HIVEP1: variants seen among roughly 807,000 people sequenced by gnomAD.
The protein encoded by HIVEP1 is zinc finger protein 40.
A neutral mutation model predicts 180.0 loss-of-function variants in HIVEP1; 36 were observed. The ratio of observed to expected loss-of-function variants is 0.20; its 90% CI spans 0.15 to 0.26. HIVEP1 has a LOEUF of 0.26. HIVEP1 is among the 10% of genes least tolerant of loss of function. The probability of loss-of-function intolerance (pLI) is 1.00; values close to 1 mark genes in which losing one functional copy is unlikely to be tolerated. For missense variants in HIVEP1, 3,143 were observed against 3,268.7 expected (o/e 0.96, Z 0.94); for synonymous variants, 1,239 against 1,239.0 (o/e 1.00, Z 0.00).
chr6:12,167,695 ACATATATACATATATG>A (rs1760759529), downstream of HIVEP1, among the ~76,000 whole-genome samples: 1 of 73,726 alleles, frequency 1.4e-5, no homozygotes, highest in African/African-American at 3.9e-5. Context: ...TAATATATAT[ACATATATACATATATG>A]CATAATATAT....
chr6:12,210,074 G>C, the HIVEP1 span, among the ~76,000 whole-genome samples: 1 of 151,884 alleles, frequency 6.6e-6, no homozygotes, highest in Non-Finnish European at 1.5e-5. Flanking sequence ...CTGCACTCCA[G>C]TCTGGGCAAC....
chr6:12,019,802 C>G (rs754355265), intron 2 of HIVEP1, among the ~76,000 whole-genome samples: 1 of 152,150 alleles, frequency 6.6e-6, no homozygotes, highest in Non-Finnish European at 1.5e-5. Context: ...TATATCCCTA[C>G]GGATGTGCAA....
intron 2 of HIVEP1, among the ~76,000 whole-genome samples, chr6:12,024,670 G>C (rs1768461465): frequency 6.6e-6 from 1 of 152,204 alleles, no homozygotes; most frequent in African/African-American, 2.4e-5. Context: ...GCTTAATATA[G>C]TATCCAGATG....
chr6:12,101,748 T>G (rs966867139), intron 3 of HIVEP1, among the ~76,000 whole-genome samples: 1 of 152,036 alleles, frequency 6.6e-6, no homozygotes, highest in African/African-American at 2.4e-5. Flanking sequence ...CAAATTCAGC[T>G]GTGTCAATAA....
upstream of HIVEP1, among the ~76,000 whole-genome samples, chr6:12,010,926 C>T (rs1767241495): frequency 6.6e-6 from 1 of 152,164 alleles, no homozygotes; most frequent in South Asian, 2.1e-4. Flanking sequence ...ACGACCAGCC[C>T]CGCACCCCCC....
chr6:12,074,643 TGC>T (rs1554139007), intron 2 of HIVEP1, among the ~76,000 whole-genome samples: 3 of 148,030 alleles, frequency 2.0e-5, no homozygotes, highest in Non-Finnish European at 3.0e-5. Flanking sequence ...TGTGTGTGTG[TGC>T]GCGCGCGTGC....
chr6:12,164,495 T>C lies in HIVEP1; in HGVS notation c.*34T>C, dbSNP rs1760631745. 6 of 1,499,674 alleles carry C rather than the reference T, an allele frequency of 4.0e-6. No individual in the cohort carries two copies. The South Asian group carries it at 5.1e-5, about 13-fold the overall frequency. 92.9% of individuals were successfully genotyped at this position (1,499,674 alleles called of 1,614,324 possible). A position where few individuals can be genotyped will look rare whatever the true frequency, so the allele number is the denominator to read the frequency against. ...ATTTTTTATTTGCTTTTTTTTTATATAACACTTAAAGGTTTCTTTGAAAAC... is the reference window on the plus strand; with the variant it reads ...ATTTTTTATTTGCTTTTTTTTTATACAACACTTAAAGGTTTCTTTGAAAAC... On this transcript the variant is annotated 3_prime_UTR_variant, in exon 9 of 9. Coordinates refer to ENST00000379388, the MANE Select transcript of HIVEP1 (RefSeq NM_002114.4).
intron 6 of HIVEP1, among the ~76,000 whole-genome samples, chr6:12,134,523 T>C (rs1256663160): frequency 1.3e-5 from 2 of 152,240 alleles, no homozygotes; most frequent in Admixed American, 6.5e-5. Context: ...CTTCGGCTAC[T>C]GCAAGCCCGA....
chr6:12,019,940 G>A (rs988203232), intron 2 of HIVEP1, among the ~76,000 whole-genome samples: 3 of 152,166 alleles, frequency 2.0e-5, no homozygotes, highest in Admixed American at 6.5e-5. Flanking sequence ...GTGCAATACC[G>A]GAATCTATCA....
chr6:12,031,394 T>A (rs972284190), intron 2 of HIVEP1, among the ~76,000 whole-genome samples: 3 of 152,222 alleles, frequency 2.0e-5, no homozygotes, highest in Non-Finnish European at 4.4e-5. Flanking sequence ...ACACTGTAAG[T>A]GGCTCACCTA....
intron 2 of HIVEP1, among the ~76,000 whole-genome samples, chr6:12,040,959 A>C (rs531033697): frequency 6.6e-6 from 1 of 152,312 alleles, no homozygotes; most frequent in South Asian, 2.1e-4. Context: ...CCAAGCCATG[A>C]GGGGTGTGTC....
intron 2 of HIVEP1, among the ~76,000 whole-genome samples, chr6:12,076,874 TTC>T (rs775193505): frequency 6.6e-6 from 1 of 152,180 alleles, no homozygotes; most frequent in Non-Finnish European, 1.5e-5. Flanking sequence ...GAATTCTTGT[TTC>T]ACTTTTAATT....
At chr6:12,033,308 A>G (rs1385842295) in intron 2 of HIVEP1, among the ~76,000 whole-genome samples, 2 of 149,810 alleles carry the variant, frequency 1.3e-5, no homozygotes, top group East Asian at 2.0e-4. Flanking sequence ...TGACCCCATT[A>G]TAAGTAGAGG....
chr6:12,111,439 G>A (rs928115319), intron 3 of HIVEP1, among the ~76,000 whole-genome samples: 1 of 152,232 alleles, frequency 6.6e-6, no homozygotes, highest in Non-Finnish European at 1.5e-5. Context: ...CCTGACACAG[G>A]ACCTGGCTAT....
chr6:12,211,249 A>C, the HIVEP1 span, among the ~76,000 whole-genome samples: 1 of 99,174 alleles, frequency 1.0e-5, no homozygotes. Flanking sequence ...AATACAAAAA[A>C]ATTAGCCGGG....
upstream of HIVEP1, among the ~76,000 whole-genome samples, chr6:12,011,443 CTGAG>C (rs1767293820): frequency 6.6e-6 from 1 of 151,532 alleles, no homozygotes. Flanking sequence ...CCGCCCCCAA[CTGAG>C]CGACCCCGCC....
intron 2 of HIVEP1, among the ~76,000 whole-genome samples, chr6:12,029,543 G>A (rs1416950676): frequency 6.6e-6 from 1 of 151,462 alleles, no homozygotes; most frequent in Non-Finnish European, 1.5e-5. Flanking sequence ...AAATTTTTTA[G>A]TGTATGATTT....
At chr6:12,011,229 T>C (rs1458849803), upstream of HIVEP1, among the ~76,000 whole-genome samples, 2 of 147,014 alleles carry the variant, frequency 1.4e-5, no homozygotes, top group Admixed American at 6.8e-5. Context: ...ACAATGACTT[T>C]CCCCTTCCTT....
intron 7 of HIVEP1, among the ~76,000 whole-genome samples, chr6:12,155,996 A>G (rs1385421634): frequency 1.3e-5 from 2 of 152,106 alleles, no homozygotes; most frequent in Non-Finnish European, 2.9e-5. Flanking sequence ...GCATTTCTCT[A>G]ATGATCAGTG....
Sources: gnomAD v4.1 joint callset for allele counts (sites outside exome capture counted in the v4.1 genomes callset) on GRCh38, gnomAD v4.1.1 for gene constraint, MANE v1.5 for transcripts, NCBI Gene and HGNC (gene_info 2026-07-23, HGNC 2026-07-21) for gene names.